PAPLN: variants seen among roughly 807,000 people sequenced by gnomAD.
PAPLN encodes papilin.
In PAPLN, 146 loss-of-function variants were observed where a neutral mutation model predicts 159.0. The ratio of observed to expected loss-of-function variants is 0.92; its 90% CI spans 0.80 to 1.05. The LOEUF is 1.05. PAPLN is among the 50% of genes least tolerant of loss of function. The probability of loss-of-function intolerance (pLI) is 0.00; values close to 1 mark genes in which losing one functional copy is unlikely to be tolerated. For missense variants in PAPLN, 1,720 were observed against 1,743.9 expected, an observed-to-expected ratio of 0.99 and a Z score of 0.24; for synonymous variants, 734 against 702.9, an observed-to-expected ratio of 1.04 and a Z score of -0.70.
intron 26 of PAPLN, among the ~76,000 whole-genome samples, chr14:73,269,848 T>G (rs1354150814): frequency 6.7e-6 from 1 of 148,186 alleles, no homozygotes; most frequent in Non-Finnish European, 1.5e-5. Flanking sequence ...AGGAGCACGG[T>G]TACACTCAGA....
In PAPLN at chr14:73,274,516, G is replaced by C. The variant is rs1887987921; in HGVS notation, c.*1852G>C. On this transcript the variant is annotated 3_prime_UTR_variant, in exon 27 of 27. Transcript: ENST00000644200. Reference sequence around the variant, plus strand: ...TTCAACAAAGGAAATGTGGGCTGGGGCAGAGGTCTTTTTTCATTTAATACT... The same window carrying C: ...TTCAACAAAGGAAATGTGGGCTGGGCCAGAGGTCTTTTTTCATTTAATACT... 1 of 152,196 alleles carries C rather than the reference G, an allele frequency of 6.6e-6. No individual in the cohort carries two copies. Among genetic ancestry groups the C allele is most frequent in the Non-Finnish European group, 1.5e-5 (1 of 68,044 alleles). The allele number at this position is 152,196 out of a possible 1,614,324, so 9.4% of individuals were successfully genotyped here.
intron 26 of PAPLN, among the ~76,000 whole-genome samples, chr14:73,269,702 G>C (rs181165032): frequency 2.0e-5 from 3 of 152,324 alleles, no homozygotes; most frequent in Non-Finnish European, 2.9e-5. Flanking sequence ...AAGACAGAGT[G>C]GTACCTCGGG....
Position 73,266,753 on chromosome 14 carries a change from C to T in PAPLN, c.3422C>T (p.Thr1141Ile). The T allele has an allele frequency of 6.2e-7, 1 of 1,614,036 alleles. No individual in the cohort carries two copies. Among genetic ancestry groups the T allele is most frequent in the Non-Finnish European group, 8.5e-7 (1 of 1,179,950 alleles). ...GELTISGLPP[T>I]VTVPEGDTAR... ...CTGACAATCTCAGGACTGCCCCCTACTGTGACAGTGCCAGAGGGTGATACG... is the reference window on the plus strand; with the variant it reads ...CTGACAATCTCAGGACTGCCCCCTATTGTGACAGTGCCAGAGGGTGATACG... The change falls in exon 25 of 27, where the codon ACT (threonine) becomes ATT (isoleucine). Residue 1141 changes from threonine to isoleucine, a missense_variant. By Grantham distance (89) the Thr-to-Ile change is moderately conservative. Coordinates refer to ENST00000644200, the MANE Select transcript of PAPLN (RefSeq NM_001365906.3).
rs1420252628 is a variant in PAPLN, at chr14:73,273,844, G to C, written c.*1180G>C. 7 of 152,194 alleles carry C rather than the reference G, an allele frequency of 4.6e-5. No individual in the cohort carries two copies. Among genetic ancestry groups the C allele is most frequent in the Admixed American group, 2.0e-4 (3 of 15,282 alleles). The allele number at this position is 152,194 out of a possible 1,614,324, so 9.4% of individuals were successfully genotyped here. A position where few individuals can be genotyped will look rare whatever the true frequency, so the allele number is the denominator to read the frequency against. On this transcript the variant is annotated 3_prime_UTR_variant, in exon 27 of 27. Transcript: ENST00000644200. ...ACAGCATAACCCTTGTTGGCAAAATGGAATAGATGTTAAGACCTCAAATAG... is the reference window on the plus strand; with the variant it reads ...ACAGCATAACCCTTGTTGGCAAAATCGAATAGATGTTAAGACCTCAAATAG...
chr14:73,272,672 G>A lies in PAPLN; in HGVS notation c.*8G>A, dbSNP rs1887846645. On this transcript the variant is annotated 3_prime_UTR_variant, in exon 27 of 27. Transcript: ENST00000644200. ...CAGCCCATCTGGCAGTAGGGATGAA[G>A]GCTAGTTCCAGCCCCAGTCCAAAAT... 5 of 1,558,340 alleles carry A rather than the reference G, an allele frequency of 3.2e-6. No individual in the cohort carries two copies. In the East Asian group the frequency reaches 9.2e-5, roughly 29 times the overall value.
Position 73,245,011 on chromosome 14 carries a change from G to T in PAPLN, c.170+252G>T. On this transcript the variant is annotated intron_variant, in intron 3 of 26. Coordinates refer to ENST00000644200, the MANE Select transcript of PAPLN (RefSeq NM_001365906.3). The surrounding 1 kb of genome is among the most constrained non-coding windows in gnomAD (Gnocchi z 4.2). ...GTCTCCAGCTCCTGATGCTGCACCG[G>T]CCTGCAGTATGGCAGGTGCAGTCAA... is the stretch of plus-strand genomic sequence containing the variant. 2.6e-6 allele frequency: 1 copy of T among 389,476 alleles called. No individual in the cohort carries two copies. The highest frequency in any genetic ancestry group is 4.6e-6 in the Non-Finnish European group (1 of 215,348). The allele number at this position is 389,476 out of a possible 1,614,324, so 24.1% of individuals were successfully genotyped here. A position where few individuals can be genotyped will look rare whatever the true frequency, so the allele number is the denominator to read the frequency against.
rs1475701301 is a variant in PAPLN at position 73,254,879 on chromosome 14, C to T, written c.1488C>T (p.Cys496=). 2 of 1,611,472 alleles carry T rather than the reference C, an allele frequency of 1.2e-6. No individual in the cohort carries two copies. The highest frequency in any genetic ancestry group is 1.7e-6 in the Non-Finnish European group (2 of 1,179,928). ...QAWHVGTWGL[C]SKSCSSGTRR... The stretch of plus-strand genomic sequence containing the variant: ...TCTCTCCCACTCGTGGGCCTCAGTG[C>T]TCCAAGAGCTGCAGCTCGGGCACTC... The change falls in exon 14 of 27, where the codon TGC becomes TGT. Residue 496 remains cysteine, a splice_region_variant and synonymous_variant. Coordinates refer to ENST00000644200, the MANE Select transcript of PAPLN (RefSeq NM_001365906.3).
At chr14:73,239,313 C>T (rs1883286851) in intron 1 of PAPLN, among the ~76,000 whole-genome samples, 1 of 152,190 alleles carries the variant, frequency 6.6e-6, no homozygotes, top group South Asian at 2.1e-4. Flanking sequence ...ACAATTAACA[C>T]TTTTAGAGCA....
Position 73,262,715 on chromosome 14 carries a change from C to T in PAPLN, c.2611C>T (p.His871Tyr), listed in dbSNP as rs745603548. Residue 871 changes from histidine (H) to tyrosine (Y), a missense_variant, in exon 19 of 27, where the codon CAC becomes TAC. Coordinates refer to ENST00000644200, the MANE Select transcript of PAPLN (RefSeq NM_001365906.3). Reference sequence around the variant, plus strand: ...ACAGCCTGGGCCAGGGGAGGCCCCCCACACCCAGGCCTTTGGAGAATGGCC... The same window carrying T: ...ACAGCCTGGGCCAGGGGAGGCCCCCTACACCCAGGCCTTTGGAGAATGGCC... ...DQQPGPGEAP[H>Y]TQAFGEWPWG... is the part of the protein sequence containing the mutation. The T allele has an allele frequency of 1.3e-6, 2 of 1,510,570 alleles. No homozygotes were observed. Among genetic ancestry groups the T allele is most frequent in the Non-Finnish European group, 1.8e-6 (2 of 1,132,006 alleles). The allele number at this position is 1,510,570 out of a possible 1,614,324, so 93.6% of individuals were successfully genotyped here.
Position 73,253,339 on chromosome 14 carries a change from C to T in PAPLN, c.1095-415C>T, listed in dbSNP as rs1322852757. 4 of 984,708 alleles carry T rather than the reference C, an allele frequency of 4.1e-6. No homozygotes were observed. In the Admixed American group the frequency reaches 6.9e-5, roughly 17 times the overall value. 61.0% of individuals were successfully genotyped at this position (984,708 alleles called of 1,614,324 possible). A position where few individuals can be genotyped will look rare whatever the true frequency, so the allele number is the denominator to read the frequency against. ...GCGGACTTGGCTTTGCATGGGGCCA[C>T]AGGGCTGCTCTTTCCTCTGGGTCCT... On this transcript the variant is annotated intron_variant, in intron 11 of 26. Coordinates refer to ENST00000644200, the MANE Select transcript of PAPLN (RefSeq NM_001365906.3).
intron 16 of PAPLN, 111 bp from the exon 17 acceptor site, chr14:73,260,598 A>C (rs2140277851): frequency 3.2e-5 from 42 of 1,305,694 alleles, no homozygotes; most frequent in Non-Finnish European, 3.7e-5. Context: ...TCTCCCCCCC[A>C]GGTCCCCACC....
intron 26 of PAPLN, chr14:73,272,284 G>C (rs1201672139): frequency 4.8e-6 from 2 of 418,810 alleles, no homozygotes; most frequent in African/African-American, 4.0e-5. Context: ...GAGGACCACT[G>C]CATGTTGAAG....
chr14:73,263,794 TCCC>T lies in PAPLN; in HGVS notation c.2861+16_2861+18del. On this transcript the variant is annotated intron_variant, in intron 20 of 26. Transcript: ENST00000644200. ...ATCTCCTCTGACAGGTGGGTGAGAG[TCCC>T]CCCACCTCCTCTGACAGGTGTGACA... 2 of 1,586,174 alleles carry T rather than the reference TCCC, an allele frequency of 1.3e-6. No individual in the cohort carries two copies. Among genetic ancestry groups the T allele is most frequent in the Non-Finnish European group, 8.5e-7 (1 of 1,173,846 alleles).
At position 73,254,988 on chromosome 14, in the gene PAPLN, T is replaced by C; in HGVS notation, c.1597T>C (p.Cys533Arg). ...QHSKPVDVEP[C>R]NTQPCHLPQE... ...CTCCAAGCCTGTGGATGTGGAGCCT[T>C]GTAACACGCAGCCCTGTCATCTCCC... The change falls in exon 14 of 27, where the codon TGT (cysteine) becomes CGT (arginine). Residue 533 changes from cysteine (C) to arginine (R), a missense_variant. Transcript: ENST00000644200. 6.2e-7 allele frequency: 1 copy of C among 1,613,700 alleles called. No individual in the cohort carries two copies.
chr14:73,262,060 G>A, intron 18 of PAPLN: 2 of 379,612 alleles, frequency 5.3e-6, no homozygotes, highest in Non-Finnish European at 9.4e-6. Context: ...GGCAGGGAAG[G>A]CCAAAGGTCC....
chr14:73,250,183 C>T, intron 6 of PAPLN, 69 bp downstream of exon 6: 1 of 1,484,074 alleles, frequency 6.7e-7, no homozygotes, highest in Non-Finnish European at 8.9e-7. Flanking sequence ...TTTCCCTGTC[C>T]ATCACCCATA....
rs751012947 is a variant in PAPLN at position 73,253,817 on chromosome 14, C to CGT, written c.1161_1162dup (p.Tyr388CysfsTer85). 5 of 1,613,602 alleles carry CGT rather than the reference C, an allele frequency of 3.1e-6. No homozygotes were observed. Among genetic ancestry groups the CGT allele is most frequent in the Non-Finnish European group, 4.2e-6 (5 of 1,179,888 alleles). On this transcript the variant is annotated frameshift_variant, in exon 12 of 27. Coordinates refer to ENST00000644200, the MANE Select transcript of PAPLN (RefSeq NM_001365906.3). LOFTEE classifies it high-confidence loss of function. ...GTGGAGGAGGCTCCCAGTCCCGCTC[C>CGT]GTGTACTGCATCTCGTCTGACGGGG...
At chr14:73,255,475 G>A (rs1885801599) in intron 14 of PAPLN, among the ~76,000 whole-genome samples, 1 of 152,172 alleles carries the variant, frequency 6.6e-6, no homozygotes, top group African/African-American at 2.4e-5. Context: ...TGTGCTGAGG[G>A]AAGGAGGCAG....
At chr14:73,236,848 TAGAAAGAAAGAAAAGAAAG>T (rs1214784412), upstream of PAPLN, among the ~76,000 whole-genome samples, 5 of 93,264 alleles carry the variant, frequency 5.4e-5, no homozygotes, top group African/African-American at 9.0e-5. Context: ...GGGAGGAAAG[TAGAAAGAAAGAAAAGAAAG>T]AGGAAGAAAG....
Sources: gnomAD v4.1 joint callset for allele counts (sites outside exome capture counted in the v4.1 genomes callset) on GRCh38, gnomAD v4.1.1 for gene constraint, Gnocchi (gnomAD v3.1) non-coding constraint, MANE v1.5 for transcripts, NCBI Gene and HGNC (gene_info 2026-07-23, HGNC 2026-07-21) for gene names.